GKAP1: variants seen among roughly 807,000 people sequenced by gnomAD.
GKAP1 encodes G kinase anchoring protein 1.
A neutral mutation model predicts 56.7 loss-of-function variants in GKAP1; 31 were observed. The observed-to-expected ratio is 0.55, with a 90% CI of 0.41 to 0.74. GKAP1 has a LOEUF of 0.74. GKAP1 is among the 30% of genes least tolerant of loss of function. GKAP1 has a pLI of 0.00. For missense variants in GKAP1, 364 were observed against 402.3 expected (o/e 0.90, Z 0.82); for synonymous variants, 151 against 138.6 (o/e 1.09, Z -0.63).
intron 7 of GKAP1, among the ~76,000 whole-genome samples, chr9:83,769,784 G>A (rs11140242): frequency 0.55 from 83,190 of 152,008 alleles, 23,688 homozygotes; most frequent in Admixed American, 0.69. Context: ...TTGAGGTATC[G>A]CTAGATAATT....
intron 5 of GKAP1, among the ~76,000 whole-genome samples, chr9:83,785,766 T>C (rs1054281509): frequency 6.6e-6 from 1 of 152,214 alleles, no homozygotes; most frequent in Non-Finnish European, 1.5e-5. Flanking sequence ...TCTTCTACGC[T>C]GCTACATGAG....
intron 10 of GKAP1, among the ~76,000 whole-genome samples, chr9:83,747,164 C>T (rs964391306): frequency 3.3e-5 from 5 of 152,162 alleles, no homozygotes; most frequent in African/African-American, 9.7e-5. Context: ...AAAAAATTAA[C>T]ATATATTTCT....
At chr9:83,754,180 A>G (rs1445315779) in intron 8 of GKAP1, among the ~76,000 whole-genome samples, 1 of 152,212 alleles carries the variant, frequency 6.6e-6, no homozygotes, top group Non-Finnish European at 1.5e-5. Flanking sequence ...TGTAAGGATG[A>G]TACTTTTAAA....
intron 8 of GKAP1, among the ~76,000 whole-genome samples, chr9:83,758,910 G>T (rs970433569): frequency 8.5e-5 from 13 of 152,162 alleles, no homozygotes; most frequent in Non-Finnish European, 1.8e-4. Context: ...GAGGAAAGAA[G>T]TATATACAGA....
intron 2 of GKAP1, among the ~76,000 whole-genome samples, chr9:83,812,903 C>G (rs1206684643): frequency 1.3e-5 from 2 of 152,126 alleles, no homozygotes. Flanking sequence ...TAAGAGAACA[C>G]TACCCTCGTT....
At chr9:83,800,056 C>T (rs2093387191) in intron 3 of GKAP1, among the ~76,000 whole-genome samples, 1 of 150,116 alleles carries the variant, frequency 6.7e-6, no homozygotes, top group Non-Finnish European at 1.5e-5. Context: ...CTAAGCAACT[C>T]TGACAACTAC....
chr9:83,782,921 T>C (rs973085763), intron 6 of GKAP1, among the ~76,000 whole-genome samples: 3 of 152,080 alleles, frequency 2.0e-5, no homozygotes, highest in East Asian at 1.9e-4. Context: ...CTACCTGCGT[T>C]GTCCCCGCAA....
chr9:83,766,608 T>C (rs1232662093), intron 8 of GKAP1, among the ~76,000 whole-genome samples: 6 of 152,218 alleles, frequency 3.9e-5, no homozygotes, highest in African/African-American at 1.4e-4. Context: ...GTTAATTTAC[T>C]GTAAGACTGA....
intron 7 of GKAP1, among the ~76,000 whole-genome samples, chr9:83,775,569 A>T (rs10868058): frequency 0.34 from 51,846 of 151,398 alleles, 9,462 homozygotes; most frequent in Admixed American, 0.48. Flanking sequence ...GGAAAAAAAA[A>T]TTTTTTTTGA....
intron 11 of GKAP1, among the ~76,000 whole-genome samples, 176 bp downstream of exon 11, chr9:83,742,354 T>A (rs570189260): frequency 9.2e-5 from 14 of 152,316 alleles, no homozygotes; most frequent in Admixed American, 2.0e-4. Context: ...GGGAAGGACA[T>A]ACCTACCTCT....
chr9:83,765,649 T>C (rs566585139), intron 8 of GKAP1, among the ~76,000 whole-genome samples: 1 of 152,332 alleles, frequency 6.6e-6, no homozygotes, highest in Admixed American at 6.5e-5. Flanking sequence ...AAGACCTGCA[T>C]GCGAGATGTG....
intron 7 of GKAP1, among the ~76,000 whole-genome samples, chr9:83,775,906 GAAAAGAAAAGA>G (rs1351036488): frequency 1.4e-5 from 2 of 142,050 alleles, no homozygotes; most frequent in East Asian, 4.1e-4. Context: ...AAAAGAGAGA[GAAAAGAAAAGA>G]AAAAGAAATG....
At chr9:83,748,533 C>G (rs1943332553) in intron 9 of GKAP1, 161 bp from the exon 10 acceptor site, 1 of 455,240 alleles carries the variant, frequency 2.2e-6, no homozygotes, top group Admixed American at 4.0e-5. Context: ...CTATCTACAA[C>G]TTAAATTAAG....
chr9:83,816,011 C>T (rs58160718), intron 2 of GKAP1, among the ~76,000 whole-genome samples: 4,056 of 142,058 alleles, frequency 0.029, 184 homozygotes, highest in African/African-American at 0.1. Flanking sequence ...CAAGGCGAAA[C>T]ACCGTCTGTA....
At chr9:83,770,256 A>G (rs757820278) in intron 7 of GKAP1, among the ~76,000 whole-genome samples, 2 of 152,160 alleles carry the variant, frequency 1.3e-5, no homozygotes, top group African/African-American at 2.4e-5. Flanking sequence ...ATTTACTCCT[A>G]TATTTTCTTC....
Position 83,817,711 on chromosome 9 carries a change from CG to C in GKAP1, c.-371del. ...TGGGCACTAACGGGTCCCGGGGCGC[CG>C]GGGCGGACCGCGGAGGTGAGCGCGG... On this transcript the variant is annotated 5_prime_UTR_variant, in exon 1 of 13. Transcript: ENST00000376371. 6.6e-6 allele frequency: 1 copy of C among 152,094 alleles called. No homozygotes were observed. The highest frequency in any genetic ancestry group is 1.5e-5 in the Non-Finnish European group (1 of 68,338). 9.4% of individuals were successfully genotyped at this position (152,094 alleles called of 1,614,324 possible). A position where few individuals can be genotyped will look rare whatever the true frequency, so the allele number is the denominator to read the frequency against.
chr9:83,739,518 A>G lies in GKAP1; in HGVS notation c.*179T>C. 1 of 431,052 alleles carries G rather than the reference A, an allele frequency of 2.3e-6. No individual in the cohort carries two copies. The highest frequency in any genetic ancestry group is 4.1e-6 in the Non-Finnish European group (1 of 244,044). 26.7% of individuals were successfully genotyped at this position (431,052 alleles called of 1,614,324 possible). On this transcript the variant is annotated 3_prime_UTR_variant, in exon 13 of 13. Transcript: ENST00000376371. ...CCACTGAATTCTGCTGGAATTCTCTATTTCTTCTTTTTCACTTTAAGCCAA... is the reference window on the plus strand; with the variant it reads ...CCACTGAATTCTGCTGGAATTCTCTGTTTCTTCTTTTTCACTTTAAGCCAA...
chr9:83,750,344 GTGT>G (rs1475445596), intron 9 of GKAP1, among the ~76,000 whole-genome samples: 55 of 152,242 alleles, frequency 3.6e-4, no homozygotes, highest in African/African-American at 1.2e-3. Flanking sequence ...TTAAATACAC[GTGT>G]TGTTACTGCA....
intron 4 of GKAP1, chr9:83,792,908 T>C (rs886322171): frequency 2.4e-5 from 14 of 573,170 alleles, no homozygotes; most frequent in Admixed American, 5.5e-5. Context: ...AAAGAGGAAA[T>C]AGCAGGCACT....
Sources: gnomAD v4.1 joint callset for allele counts (sites outside exome capture counted in the v4.1 genomes callset) on GRCh38, gnomAD v4.1.1 for gene constraint, MANE v1.5 for transcripts, NCBI Gene and HGNC (gene_info 2026-07-23, HGNC 2026-07-21) for gene names.